The following LOXHD1 variants were observed in gnomAD, a reference collection of about 807,000 sequenced individuals.
LOXHD1 encodes lipoxygenase homology domain-containing protein 1.
LOXHD1 carries 205 observed loss-of-function variants against 248.2 expected under a neutral mutation model. The observed-to-expected ratio is 0.83, with a 90% CI of 0.74 to 0.93. The LOEUF (loss-of-function observed/expected upper bound fraction) is 0.93. Among genes scored for constraint, LOXHD1 ranks in the 40% least tolerant of loss-of-function variants. The pLI is 0.00. For missense variants in LOXHD1, 2,930 were observed against 2,971.6 expected (o/e 0.99, Z 0.33); for synonymous variants, 1,113 against 1,162.8 (o/e 0.96, Z 0.87).
At chr18:46,590,715 G>T (rs1484587200) in intron 12 of LOXHD1, among the ~76,000 whole-genome samples, 3 of 152,150 alleles carry the variant, frequency 2.0e-5, no homozygotes, top group African/African-American at 7.2e-5. Context: ...AAAAGGCAGG[G>T]TGATGATTTG....
At chr18:46,546,256 T>A (rs547450882) in intron 22 of LOXHD1, among the ~76,000 whole-genome samples, 200 of 152,076 alleles carry the variant, frequency 1.3e-3, no homozygotes, top group African/African-American at 4.7e-3. Flanking sequence ...CAAGACTGAA[T>A]CAGAAGTGGC....
chr18:46,596,078 G>T (rs1478855922), intron 8 of LOXHD1, among the ~76,000 whole-genome samples: 1 of 152,074 alleles, frequency 6.6e-6, no homozygotes, highest in Non-Finnish European at 1.5e-5. Flanking sequence ...TTTATCTCAG[G>T]ATTTTGTTTG....
intron 9 of LOXHD1, 104 bp from the exon 10 acceptor site, chr18:46,593,864 G>A (rs2038216383): frequency 1.3e-5 from 16 of 1,243,354 alleles, no homozygotes; most frequent in Admixed American, 1.0e-4. Flanking sequence ...ACTGAAGGGC[G>A]GGGTATACAC....
At position 46,560,504 on chromosome 18, in the gene LOXHD1, G is replaced by C. The variant is rs374614343; in HGVS notation, c.2640C>G (p.Leu880=). Residue 880 remains leucine, a synonymous_variant, in exon 19 of 41, where the codon CTC becomes CTG. Coordinates refer to ENST00000642948, the MANE Select transcript of LOXHD1 (RefSeq NM_001384474.1). ...GCCCAAAGCCCTCGCCCGTGTGCCC[G>C]AGCCGGAGCTTATAGACCTCGCCCA... The part of the protein sequence containing the change: ...ADVGEVYKLR[L]GHTGEGFGPS... The C allele has an allele frequency of 1.3e-6, 2 of 1,537,150 alleles. No individual in the cohort carries two copies. The highest frequency in any genetic ancestry group is 1.2e-5 in the South Asian group (1 of 83,998).
chr18:46,524,657 C>T (rs376208047), intron 30 of LOXHD1, 51 bp downstream of exon 30: 1 of 1,551,194 alleles, frequency 6.4e-7, no homozygotes, highest in Non-Finnish European at 8.7e-7. Context: ...CCTCGAGGGA[C>T]CTCCCCTAGG....
In LOXHD1 at chr18:46,569,488, C is replaced by T. The variant is rs1215493702; in HGVS notation, c.2198G>A (p.Arg733His). The T allele has an allele frequency of 5.8e-6, 9 of 1,552,044 alleles. No individual in the cohort carries two copies. The highest frequency in any genetic ancestry group is 2.4e-5 in the South Asian group (2 of 84,050). ...GAGGGTGAACTCATCCACCCGGCCACGTTCAAAGTAGTCTTTGAGGTTGTT... is the reference window on the plus strand; with the variant it reads ...GAGGGTGAACTCATCCACCCGGCCATGTTCAAAGTAGTCTTTGAGGTTGTT... ...SDNNLKDYFE[R>H]GRVDEFTLET... Residue 733 changes from arginine (R) to histidine (H), a missense_variant, in exon 16 of 41, where the codon CGT becomes CAT. Physicochemically the swap from Arg to His is conservative, Grantham distance 29 (BLOSUM62 0). Transcript: ENST00000642948.
chr18:46,608,889 T>G (rs1233678701), intron 6 of LOXHD1, among the ~76,000 whole-genome samples: 1 of 152,202 alleles, frequency 6.6e-6, no homozygotes. Flanking sequence ...CACTAGGATG[T>G]TCACTCAACA....
intron 15 of LOXHD1, among the ~76,000 whole-genome samples, chr18:46,570,753 A>G (rs1249473828): frequency 6.6e-6 from 1 of 152,178 alleles, no homozygotes; most frequent in Non-Finnish European, 1.5e-5. Context: ...TGAGTTAAAA[A>G]AATTGCAAAA....
chr18:46,569,596 C>G lies in LOXHD1; in HGVS notation c.2090G>C (p.Gly697Ala). The G allele has an allele frequency of 1.3e-6, 2 of 1,551,590 alleles. No individual in the cohort carries two copies. The highest frequency in any genetic ancestry group is 1.7e-6 in the Non-Finnish European group (2 of 1,146,946). Residue 697 changes from glycine (G) to alanine (A), a missense_variant, in exon 16 of 41, where the codon GGG becomes GCG. Gly to Ala is a moderately conservative substitution (Grantham distance 60). Coordinates refer to ENST00000642948, the MANE Select transcript of LOXHD1 (RefSeq NM_001384474.1). ...HISLKTGDVS[G>A]ASTDSRVYIK... ...GTAGACTCTAGAATCCGTGCTGGCC[C>G]CAGAGACATCCCCAGTCTTCAAGCT... is the stretch of plus-strand genomic sequence containing the variant.
chr18:46,534,578 C>A, intron 26 of LOXHD1, 127 bp from the exon 27 acceptor site: 1 of 713,606 alleles, frequency 1.4e-6, no homozygotes, highest in Non-Finnish European at 2.5e-6. Flanking sequence ...TACGTCTCCA[C>A]TATCCAGCCA....
intron 37 of LOXHD1, among the ~76,000 whole-genome samples, chr18:46,492,812 G>A (rs952365426): frequency 2.0e-5 from 3 of 152,068 alleles, no homozygotes; most frequent in African/African-American, 2.4e-5. Context: ...ATAGTTGCCT[G>A]GTATTTCATT....
chr18:46,532,397 G>A (rs192049333), intron 28 of LOXHD1, among the ~76,000 whole-genome samples: 10,813 of 152,266 alleles, frequency 0.071, 570 homozygotes, highest in Non-Finnish European at 0.11. Context: ...GTGTGCGTGT[G>A]TGTGTGTCTG....
At chr18:46,517,491 A>G (rs71364543) in intron 34 of LOXHD1, among the ~76,000 whole-genome samples, 5,699 of 152,262 alleles carry the variant, frequency 0.037, 159 homozygotes, top group South Asian at 0.064. Flanking sequence ...AAGTGTATCA[A>G]TACATGACTT....
intron 2 of LOXHD1, among the ~76,000 whole-genome samples, chr18:46,648,549 T>A (rs767635108): frequency 6.6e-6 from 1 of 152,296 alleles, no homozygotes; most frequent in South Asian, 2.1e-4. Flanking sequence ...TAACATGTTC[T>A]CAGGTTTTGC....
intron 33 of LOXHD1, chr18:46,520,330 A>G (rs1364743689): frequency 4.2e-6 from 2 of 471,106 alleles, no homozygotes; most frequent in Non-Finnish European, 8.8e-6. Context: ...TGGTCCAAGA[A>G]GCCCATTGGT....
chr18:46,657,168 C>A lies in LOXHD1; in HGVS notation c.-135G>T, dbSNP rs2039194559. 2.1e-6 allele frequency: 3 copies of A among 1,429,496 alleles called. No individual in the cohort carries two copies. The highest frequency in any genetic ancestry group is 2.8e-6 in the Non-Finnish European group (3 of 1,067,308). The allele number at this position is 1,429,496 out of a possible 1,614,324, so 88.6% of individuals were successfully genotyped here. A position where few individuals can be genotyped will look rare whatever the true frequency, so the allele number is the denominator to read the frequency against. On this transcript the variant is annotated 5_prime_UTR_variant, in exon 1 of 41. Coordinates refer to ENST00000642948, the MANE Select transcript of LOXHD1 (RefSeq NM_001384474.1). ...GCTCAGGCCTGGGTGGGCCAGAGTGCCCCGTTTTCTTGGCTTCCCCGTGCC... is the reference window on the plus strand; with the variant it reads ...GCTCAGGCCTGGGTGGGCCAGAGTGACCCGTTTTCTTGGCTTCCCCGTGCC...
intron 23 of LOXHD1, among the ~76,000 whole-genome samples, chr18:46,544,308 G>A (rs545214522): frequency 3.3e-5 from 5 of 152,306 alleles, no homozygotes; most frequent in East Asian, 3.9e-4. Flanking sequence ...TCCCTTCCTC[G>A]TAGGGCTGTT....
chr18:46,511,422 CT>C (rs2034956202), intron 34 of LOXHD1, among the ~76,000 whole-genome samples: 1 of 152,178 alleles, frequency 6.6e-6, no homozygotes, highest in African/African-American at 2.4e-5. Flanking sequence ...TCAAAGGATC[CT>C]CTGCTCAGCA....
At position 46,483,396 on chromosome 18, in the gene LOXHD1, T is replaced by C. The variant is rs117682511; in HGVS notation, c.6341+191A>G. 5.3e-3 allele frequency among the ~76,000 whole-genome samples: 812 copies of C among 152,312 alleles called. 6 individuals carry two copies. Among genetic ancestry groups the C allele is most frequent in the Non-Finnish European group, 8.8e-3 (600 of 68,018 alleles). On this transcript the variant is annotated intron_variant, in intron 40 of 40. Coordinates refer to ENST00000642948, the MANE Select transcript of LOXHD1 (RefSeq NM_001384474.1). ...CTACTCCCCTGCCTCTGATAGTAGA[T>C]GCACAATCCAGATAGCTTCAGAAGC...
Sources: gnomAD v4.1 joint callset for allele counts (sites outside exome capture counted in the v4.1 genomes callset) on GRCh38, gnomAD v4.1.1 for gene constraint, MANE v1.5 for transcripts, NCBI Gene and HGNC (gene_info 2026-07-23, HGNC 2026-07-21) for gene names.